The following NUDT3 variants were observed in gnomAD, a reference collection of about 807,000 sequenced individuals.
NUDT3 encodes nudix hydrolase 3.
Under a neutral mutation model 23.6 loss-of-function variants are expected in NUDT3, and 9 were observed. The ratio of observed to expected loss-of-function variants is 0.38; its 90% CI spans 0.23 to 0.66. NUDT3 has a LOEUF of 0.66. NUDT3 is among the 30% of genes least tolerant of loss of function. NUDT3 has a pLI of 0.52. For missense variants in NUDT3, 172 were observed against 218.5 expected, an observed-to-expected ratio of 0.79 and a Z score of 1.34; for synonymous variants, 86 against 82.6, an observed-to-expected ratio of 1.04 and a Z score of -0.22.
At chr6:34,306,456 T>A (rs1763679643) in intron 2 of NUDT3, among the ~76,000 whole-genome samples, 1 of 152,262 alleles carries the variant, frequency 6.6e-6, no homozygotes, top group South Asian at 2.1e-4. Context: ...TAGTGTTTGC[T>A]GAAACCACTG....
intron 2 of NUDT3, among the ~76,000 whole-genome samples, chr6:34,325,148 T>A (rs920722649): frequency 6.6e-6 from 1 of 152,232 alleles, no homozygotes; most frequent in Admixed American, 6.5e-5. Flanking sequence ...TCATTCTGTC[T>A]TCTAATGTAA....
chr6:34,384,353 C>T (rs1238321580), intron 1 of NUDT3, among the ~76,000 whole-genome samples: 1 of 152,204 alleles, frequency 6.6e-6, no homozygotes, highest in South Asian at 2.1e-4. Flanking sequence ...ATTAAAACAG[C>T]TTTAAGGCAC....
chr6:34,360,101 T>C (rs1764625198), intron 1 of NUDT3, among the ~76,000 whole-genome samples: 1 of 151,020 alleles, frequency 6.6e-6, no homozygotes, highest in Non-Finnish European at 1.5e-5. Flanking sequence ...TGGTGACACA[T>C]GCCTGTAGTC....
chr6:34,378,211 G>A (rs1367243401), intron 1 of NUDT3, among the ~76,000 whole-genome samples: 1 of 151,936 alleles, frequency 6.6e-6, no homozygotes, highest in Non-Finnish European at 1.5e-5. Context: ...GCTGAGGTGG[G>A]AGAAGTGCTT....
intron 1 of NUDT3, among the ~76,000 whole-genome samples, chr6:34,387,803 A>C (rs1024046688): frequency 5.3e-5 from 8 of 152,120 alleles, no homozygotes; most frequent in African/African-American, 1.9e-4. Context: ...AAAATGTAAA[A>C]GTTTATAAAG....
chr6:34,319,722 A>T (rs1763911748), intron 2 of NUDT3, among the ~76,000 whole-genome samples: 1 of 152,214 alleles, frequency 6.6e-6, no homozygotes, highest in Non-Finnish European at 1.5e-5. Flanking sequence ...GTTTGTTCAG[A>T]TTCTTCTTGG....
At chr6:34,309,422 C>CAT in intron 2 of NUDT3, among the ~76,000 whole-genome samples, 1 of 151,968 alleles carries the variant, frequency 6.6e-6, no homozygotes, top group Non-Finnish European at 1.5e-5. Context: ...AGGCTAAATG[C>CAT]ATATATTAGA....
At chr6:34,362,364 T>C (rs1764664062) in intron 1 of NUDT3, among the ~76,000 whole-genome samples, 2 of 151,986 alleles carry the variant, frequency 1.3e-5, no homozygotes, top group African/African-American at 4.8e-5. Flanking sequence ...TTTGTAGAGA[T>C]GGGGTCTTGC....
At chr6:34,295,719 A>C (rs1175549340) in intron 2 of NUDT3, 34 bp from the exon 3 acceptor site, 2 of 1,611,062 alleles carry the variant, frequency 1.2e-6, no homozygotes, top group Non-Finnish European at 1.7e-6. Flanking sequence ...ATGCACTGAT[A>C]GTATTATATT....
At chr6:34,371,237 G>A (rs1451656474) in intron 1 of NUDT3, among the ~76,000 whole-genome samples, 5 of 152,126 alleles carry the variant, frequency 3.3e-5, no homozygotes, top group African/African-American at 9.7e-5. Context: ...TTGGGAGGCC[G>A]AGGCAGGCAG....
intron 2 of NUDT3, among the ~76,000 whole-genome samples, chr6:34,303,762 A>G (rs1214292314): frequency 6.6e-6 from 1 of 152,210 alleles, no homozygotes; most frequent in Non-Finnish European, 1.5e-5. Flanking sequence ...ATCAGGGGTC[A>G]GCAAACTACA....
At chr6:34,323,110 G>A (rs1465188740) in intron 2 of NUDT3, among the ~76,000 whole-genome samples, 1 of 152,102 alleles carries the variant, frequency 6.6e-6, no homozygotes, top group East Asian at 1.9e-4. Context: ...AGTGGGGAGG[G>A]GGGAAGTTGA....
At chr6:34,325,814 A>T (rs10484267) in intron 2 of NUDT3, among the ~76,000 whole-genome samples, 14,478 of 152,302 alleles carry the variant, frequency 0.095, 797 homozygotes, top group Non-Finnish European at 0.12. Flanking sequence ...AAAAATAAAG[A>T]CACGGTAGTG....
intron 2 of NUDT3, among the ~76,000 whole-genome samples, chr6:34,299,768 T>C (rs115717619): frequency 0.095 from 14,333 of 151,274 alleles, 785 homozygotes; most frequent in Non-Finnish European, 0.12. Flanking sequence ...TACCCGGGCG[T>C]GGTGGGTGCC....
intron 1 of NUDT3, among the ~76,000 whole-genome samples, chr6:34,346,230 A>C (rs1764367877): frequency 6.6e-6 from 1 of 152,216 alleles, no homozygotes; most frequent in African/African-American, 2.4e-5. Flanking sequence ...AGGCCTCCAA[A>C]GACTGTAGAC....
intron 1 of NUDT3, among the ~76,000 whole-genome samples, chr6:34,361,781 A>C (rs1277617358): frequency 6.6e-6 from 1 of 152,240 alleles, no homozygotes; most frequent in Non-Finnish European, 1.5e-5. Flanking sequence ...ACATACTGTA[A>C]GATTCCAACT....
At position 34,356,151 on chromosome 6, in the gene NUDT3, G is replaced by A. The variant is rs140237632; in HGVS notation, c.100-14179C>T. 1.2e-3 allele frequency among the ~76,000 whole-genome samples: 181 copies of A among 152,240 alleles called. 1 individual carries two copies. In the East Asian group the frequency reaches 0.013, roughly 11 times the overall value. On this transcript the variant is annotated intron_variant, in intron 1 of 4. Transcript: ENST00000607016. Reference sequence around the variant, plus strand: ...TAACAATGTAAGAAGGCCCTGGAAAGAAAGGATAAATGCCTGAGGTAATAG... The same window carrying A: ...TAACAATGTAAGAAGGCCCTGGAAAAAAAGGATAAATGCCTGAGGTAATAG...
intron 2 of NUDT3, among the ~76,000 whole-genome samples, chr6:34,309,629 A>G (rs910890620): frequency 3.9e-5 from 6 of 152,044 alleles, no homozygotes; most frequent in Non-Finnish European, 7.4e-5. Flanking sequence ...AAAAAGCCTA[A>G]AAGTATACAA....
intron 2 of NUDT3, among the ~76,000 whole-genome samples, chr6:34,299,400 G>C (rs561001533): frequency 8.9e-4 from 136 of 152,046 alleles, no homozygotes; most frequent in African/African-American, 3.1e-3. Flanking sequence ...TTTAGGCCTG[G>C]TTAACAAAAA....
Sources: gnomAD v4.1 joint callset for allele counts (sites outside exome capture counted in the v4.1 genomes callset) on GRCh38, gnomAD v4.1.1 for gene constraint, MANE v1.5 for transcripts, NCBI Gene and HGNC (gene_info 2026-07-23, HGNC 2026-07-21) for gene names.